Variants in RGS18 observed in about 807,000 individuals in gnomAD.
The protein encoded by RGS18 is regulator of G-protein signaling 18.
Under a neutral mutation model 27.6 loss-of-function variants are expected in RGS18, and 22 were observed. The observed-to-expected ratio is 0.80, with a 90% CI of 0.57 to 1.14. RGS18 has a LOEUF of 1.14. Ranked by LOEUF, RGS18 falls within the 50% of genes most tolerant of loss-of-function variation. The pLI, the probability that RGS18 is intolerant of heterozygous loss-of-function variation, is 0.00. For synonymous variants in RGS18, 89 were observed against 84.6 expected, an observed-to-expected ratio of 1.05 and a Z score of -0.29; for missense variants, 299 against 269.6, an observed-to-expected ratio of 1.11 and a Z score of -0.76.
chr1:192,177,992 C>A (rs986635652), intron 3 of RGS18, among the ~76,000 whole-genome samples: 3 of 151,608 alleles, frequency 2.0e-5, no homozygotes, highest in Non-Finnish European at 4.4e-5. Flanking sequence ...AACCTAAATT[C>A]AGGGTCACCA....
chr1:192,166,178 G>A (rs1051669621), intron 3 of RGS18, among the ~76,000 whole-genome samples: 5 of 152,226 alleles, frequency 3.3e-5, no homozygotes, highest in African/African-American at 1.2e-4. Context: ...AGGCACGTTT[G>A]AAAGGAAAAT....
intron 3 of RGS18, among the ~76,000 whole-genome samples, chr1:192,180,826 T>C (rs955374549): frequency 1.3e-5 from 2 of 151,658 alleles, no homozygotes; most frequent in African/African-American, 2.4e-5. Flanking sequence ...TTTTGGTAGA[T>C]GGACTTGGAG....
intron 3 of RGS18, among the ~76,000 whole-genome samples, chr1:192,162,396 C>A (rs1267850978): frequency 6.6e-6 from 1 of 152,090 alleles, no homozygotes; most frequent in African/African-American, 2.4e-5. Context: ...GCAACCTCCA[C>A]CTCTTGGGTT....
chr1:192,167,146 G>A lies in RGS18; in HGVS notation c.283+6707G>A, dbSNP rs578063591. 5.9e-5 allele frequency among the ~76,000 whole-genome samples: 9 copies of A among 152,276 alleles called. No homozygotes were observed. The East Asian group carries it at 1.2e-3, about 20-fold the overall frequency. ...ACAATTTGTAACATGTAGGATGGAA[G>A]TAGAATATGTAAGTCATTGCACCTC... On this transcript the variant is annotated intron_variant, in intron 3 of 4. Coordinates refer to ENST00000367460, the MANE Select transcript of RGS18 (RefSeq NM_130782.3).
intron 3 of RGS18, among the ~76,000 whole-genome samples, chr1:192,177,903 A>G (rs1656384371): frequency 6.6e-6 from 1 of 151,726 alleles, no homozygotes; most frequent in African/African-American, 2.4e-5. Flanking sequence ...AAGAATCATA[A>G]TAAAATTTGT....
intron 3 of RGS18, among the ~76,000 whole-genome samples, chr1:192,172,882 T>TAAAA (rs1553229383): frequency 4.8e-5 from 5 of 104,858 alleles, no homozygotes; most frequent in African/African-American, 1.4e-4. Flanking sequence ...TATATATATA[T>TAAAA]AAATATATAT....
chr1:192,166,371 GA>G (rs1245616543), intron 3 of RGS18, among the ~76,000 whole-genome samples: 1 of 152,118 alleles, frequency 6.6e-6, no homozygotes, highest in Non-Finnish European at 1.5e-5. Context: ...AGAGTACTAA[GA>G]GATTTTGACA....
At position 192,158,483 on chromosome 1, in the gene RGS18, C is replaced by A; in HGVS notation, c.-155C>A. 2 of 594,254 alleles carry A rather than the reference C, an allele frequency of 3.4e-6. No homozygotes were observed. Among genetic ancestry groups the A allele is most frequent in the Non-Finnish European group, 5.1e-6 (2 of 394,904 alleles). 36.8% of individuals were successfully genotyped at this position (594,254 alleles called of 1,614,324 possible). A position where few individuals can be genotyped will look rare whatever the true frequency, so the allele number is the denominator to read the frequency against. On this transcript the variant is annotated 5_prime_UTR_variant, in exon 1 of 5. Coordinates refer to ENST00000367460, the MANE Select transcript of RGS18 (RefSeq NM_130782.3). ...CCTCAGTTCTGCATTTCTGCAGAGA[C>A]AGAAAGAAACGCAGCTCTTGACTTC...
chr1:192,164,105 T>G (rs1656120836), intron 3 of RGS18, among the ~76,000 whole-genome samples: 1 of 152,070 alleles, frequency 6.6e-6, no homozygotes, highest in Non-Finnish European at 1.5e-5. Flanking sequence ...GTATTCAATT[T>G]GACAAAAACA....
At chr1:192,183,654 G>A (rs1656493912) in intron 4 of RGS18, among the ~76,000 whole-genome samples, 1 of 151,420 alleles carries the variant, frequency 6.6e-6, no homozygotes, top group African/African-American at 2.4e-5. Flanking sequence ...AGACACAACA[G>A]CACTATTCAC....
intron 3 of RGS18, among the ~76,000 whole-genome samples, chr1:192,175,250 T>C (rs182077674): frequency 1.3e-5 from 2 of 151,958 alleles, no homozygotes; most frequent in Non-Finnish European, 2.9e-5. Flanking sequence ...TTTAGATAAC[T>C]TATCAGTTTT....
Position 192,184,689 on chromosome 1 carries a change from A to G in RGS18, c.*135A>G, listed in dbSNP as rs1656515926. On this transcript the variant is annotated 3_prime_UTR_variant, in exon 5 of 5. Transcript: ENST00000367460. Reference sequence around the variant, plus strand: ...GAAATTATTTTAAAAATGTAAAAACAAAACTTTCTGCTAACAAAATACATA... The same window carrying G: ...GAAATTATTTTAAAAATGTAAAAACGAAACTTTCTGCTAACAAAATACATA... The G allele has an allele frequency of 1.2e-6, 1 of 852,856 alleles. No homozygotes were observed. Among genetic ancestry groups the G allele is most frequent in the Non-Finnish European group, 1.8e-6 (1 of 561,570 alleles). 52.8% of individuals were successfully genotyped at this position (852,856 alleles called of 1,614,324 possible). A position where few individuals can be genotyped will look rare whatever the true frequency, so the allele number is the denominator to read the frequency against.
At chr1:192,174,110 C>G (rs1656316150) in intron 3 of RGS18, among the ~76,000 whole-genome samples, 1 of 151,630 alleles carries the variant, frequency 6.6e-6, no homozygotes, top group South Asian at 2.1e-4. Context: ...GCTGTACTTT[C>G]ACTATAATTC....
chr1:192,178,112 A>G (rs1356574716), intron 3 of RGS18, among the ~76,000 whole-genome samples: 1 of 151,086 alleles, frequency 6.6e-6, no homozygotes, highest in Non-Finnish European at 1.5e-5. Context: ...TGAAAGGGGA[A>G]TTTTTTTTTA....
At chr1:192,162,714 T>G (rs992059627) in intron 3 of RGS18, among the ~76,000 whole-genome samples, 1 of 152,234 alleles carries the variant, frequency 6.6e-6, no homozygotes, top group Non-Finnish European at 1.5e-5. Context: ...TTAATTACAA[T>G]AACTTGTGTA....
chr1:192,165,541 A>G (rs561946848), intron 3 of RGS18, among the ~76,000 whole-genome samples: 1 of 152,078 alleles, frequency 6.6e-6, no homozygotes, highest in Admixed American at 6.5e-5. Flanking sequence ...TGCCGATGTG[A>G]TGTCTCCCCT....
intron 3 of RGS18, among the ~76,000 whole-genome samples, chr1:192,160,975 G>A (rs1224314532): frequency 2.0e-5 from 3 of 151,932 alleles, no homozygotes; most frequent in Admixed American, 2.0e-4. Context: ...TCAGCCTCCC[G>A]AGTAGCTGGG....
Position 192,158,527 on chromosome 1 carries a change from G to GT in RGS18, c.-110dup. 1 of 955,358 alleles carries GT rather than the reference G, an allele frequency of 1.0e-6. No individual in the cohort carries two copies. Among genetic ancestry groups the GT allele is most frequent in the South Asian group, 3.1e-5 (1 of 32,134 alleles). The allele number at this position is 955,358 out of a possible 1,614,324, so 59.2% of individuals were successfully genotyped here. A position where few individuals can be genotyped will look rare whatever the true frequency, so the allele number is the denominator to read the frequency against. Reference sequence around the variant, plus strand: ...TGACTTCTTTTTTGTAAACATTACTGTAAGAGTTGTGATAACTTTTTATTC... The same window carrying GT: ...TGACTTCTTTTTTGTAAACATTACTGTTAAGAGTTGTGATAACTTTTTATTC... On this transcript the variant is annotated 5_prime_UTR_variant, in exon 1 of 5. Transcript: ENST00000367460.
rs1656230053 is a variant in RGS18 at position 192,170,123 on chromosome 1, T to G, written c.283+9684T>G. ...AGTTGGTGCATAGATTATTGTTTTT[T>G]TGTGGTGGTTTTCTTTTACAGACCT... is the stretch of plus-strand genomic sequence containing the variant. On this transcript the variant is annotated intron_variant, in intron 3 of 4. Transcript: ENST00000367460. Among the ~76,000 whole-genome samples the G allele has an allele frequency of 2.6e-5, 4 of 152,320 alleles. No homozygotes were observed. The South Asian group carries it at 8.3e-4, about 32-fold the overall frequency.
Sources: gnomAD v4.1 joint callset for allele counts (sites outside exome capture counted in the v4.1 genomes callset) on GRCh38, gnomAD v4.1.1 for gene constraint, MANE v1.5 for transcripts, NCBI Gene and HGNC (gene_info 2026-07-23, HGNC 2026-07-21) for gene names.